CA5B: variants seen among roughly 807,000 people sequenced by gnomAD.
CA5B encodes the protein carbonic anhydrase 5B, mitochondrial.
CA5B carries 15 observed loss-of-function variants against 23.1 expected under a neutral mutation model. The observed-to-expected ratio is 0.65, with a 90% CI of 0.43 to 1.00. The LOEUF (loss-of-function observed/expected upper bound fraction) is 1.00. Ranked by LOEUF, CA5B falls within the 50% of genes least tolerant of loss-of-function variation. CA5B has a pLI of 0.00. For missense variants in CA5B, 236 were observed against 252.2 expected (o/e 0.94, Z 0.43); for synonymous variants, 84 against 98.5 (o/e 0.85, Z 0.87).
At chrX:15,779,920 G>A (rs1178571087) in intron 7 of CA5B, among the ~76,000 whole-genome samples, 1 of 111,913 alleles carries the variant, frequency 8.9e-6, no homozygotes, top group Non-Finnish European at 1.9e-5. Flanking sequence ...TGAGGACTTT[G>A]TAAATACGAT....
intron 1 of CA5B, among the ~76,000 whole-genome samples, chrX:15,738,841 G>A (rs916903178): frequency 2.1e-4 from 23 of 111,156 alleles, no homozygotes; most frequent in Non-Finnish European, 4.2e-4. Context: ...CATTGTATCC[G>A]CACCACCCAC....
intron 2 of CA5B, chrX:15,762,640 C>T (rs751289529): frequency 3.6e-6 from 1 of 275,619 alleles, no homozygotes; most frequent in Non-Finnish European, 7.1e-6. Flanking sequence ...CACTGTGTCT[C>T]GATCTCCTGA....
chrX:15,782,628 G>A lies in CA5B; in HGVS notation c.918G>A (p.Ala306=), dbSNP rs1808. ...ATGATTATGTGCTGAATGTACAAGC[G>A]AAACCCAAGCCGGCCACCAGCCAAG... ...FRHDYVLNVQ[A]KPKPATSQAT... The change falls in exon 8 of 8, where the codon GCG becomes GCA. Residue 306 remains alanine, a synonymous_variant. Coordinates refer to ENST00000318636, the MANE Select transcript of CA5B (RefSeq NM_007220.4). The A allele has an allele frequency of 0.35, 417,963 of 1,197,081 alleles. 50,211 individuals are homozygous for A. Among genetic ancestry groups the A allele is most frequent in the Admixed American group, 0.48 (20,964 of 43,770 alleles).
intron 3 of CA5B, 57 bp from the exon 4 acceptor site, chrX:15,772,439 C>T: frequency 1.3e-6 from 1 of 795,390 alleles, no homozygotes; most frequent in East Asian, 3.2e-5. Flanking sequence ...GCCTTTCACC[C>T]ACATTCCTCC....
intron 1 of CA5B, among the ~76,000 whole-genome samples, chrX:15,744,628 C>T (rs1931188135): frequency 9.0e-6 from 1 of 111,509 alleles, no homozygotes; most frequent in Non-Finnish European, 1.9e-5. Context: ...ATTGAGTAAA[C>T]CTAAAGTTCT....
chrX:15,744,230 C>G (rs1393579546), intron 1 of CA5B, among the ~76,000 whole-genome samples: 1 of 113,024 alleles, frequency 8.8e-6, no homozygotes, highest in Non-Finnish European at 1.9e-5. Flanking sequence ...TGGCCGTCAG[C>G]CCCAGCCTGC....
chrX:15,748,725 C>T (rs1336309056), intron 1 of CA5B, among the ~76,000 whole-genome samples: 1 of 92,992 alleles, frequency 1.1e-5, no homozygotes, highest in Non-Finnish European at 2.1e-5. Flanking sequence ...CCCCCGCCCC[C>T]GCCAACCCCC....
chrX:15,768,926 G>A (rs1484449094), intron 3 of CA5B: 1 of 111,916 alleles, frequency 8.9e-6, no homozygotes, highest in Non-Finnish European at 1.9e-5. Context: ...GCTGGGGAAG[G>A]TATGTGACAA....
At chrX:15,749,364 CT>C (rs997932026) in intron 1 of CA5B, among the ~76,000 whole-genome samples, 9 of 111,932 alleles carry the variant, frequency 8.0e-5, no homozygotes, top group Non-Finnish European at 1.5e-4. Context: ...TTAACTTTGT[CT>C]GTTTTCCCAT....
intron 6 of CA5B, chrX:15,775,797 C>T (rs1438098170): frequency 2.7e-6 from 2 of 738,097 alleles, no homozygotes; most frequent in Non-Finnish European, 3.2e-6. Context: ...CATATATTCT[C>T]TTCTTCTCCC....
intron 3 of CA5B, chrX:15,765,296 A>C (rs1188904717): frequency 2.0e-5 from 8 of 401,461 alleles, no homozygotes; most frequent in Non-Finnish European, 2.5e-5. Flanking sequence ...TTAAATAAAC[A>C]GTGTTACCTA....
At chrX:15,760,032 G>A (rs889542609) in intron 2 of CA5B, among the ~76,000 whole-genome samples, 15 of 110,275 alleles carry the variant, frequency 1.4e-4, no homozygotes, top group African/African-American at 4.3e-4. Flanking sequence ...GAGATTACAG[G>A]CATGAGCCAC....
At chrX:15,752,495 G>A (rs1931383381) in intron 2 of CA5B, among the ~76,000 whole-genome samples, 1 of 110,893 alleles carries the variant, frequency 9.0e-6, no homozygotes, top group African/African-American at 3.3e-5. Flanking sequence ...CGAGGCCGAG[G>A]CGGGCGGATC....
In CA5B at chrX:15,785,618, A is replaced by G. The variant is rs779436183; in HGVS notation, c.*2954A>G. The G allele has an allele frequency of 6.2e-5, 7 of 112,261 alleles. No individual in the cohort carries two copies. Among genetic ancestry groups the G allele is most frequent in the Non-Finnish European group, 1.1e-4 (6 of 53,283 alleles). The allele number at this position is 112,261 out of a possible 1,213,427, so 9.3% of individuals were successfully genotyped here. A position where few individuals can be genotyped will look rare whatever the true frequency, so the allele number is the denominator to read the frequency against. ...AACAAGTGTGATTGTACTTAACACT[A>G]CTGAACTGTATACGTATAAGTTTGA... On this transcript the variant is annotated 3_prime_UTR_variant, in exon 8 of 8. Transcript: ENST00000318636.
At chrX:15,747,268 A>G (rs1226912939) in intron 1 of CA5B, among the ~76,000 whole-genome samples, 1 of 112,023 alleles carries the variant, frequency 8.9e-6, no homozygotes, top group African/African-American at 3.3e-5. Flanking sequence ...GAGTTTAAGT[A>G]GACACGAGGC....
chrX:15,773,502 C>T lies in CA5B; in HGVS notation c.460-800C>T, dbSNP rs1028091938. Among the ~76,000 whole-genome samples the T allele has an allele frequency of 2.5e-4, 26 of 102,797 alleles. No individual in the cohort carries two copies. In the East Asian group the frequency reaches 3.1e-3, roughly 12 times the overall value. 89.3% of individuals were successfully genotyped at this position (102,797 alleles called of 115,157 possible). On this transcript the variant is annotated intron_variant, in intron 4 of 7. Coordinates refer to ENST00000318636, the MANE Select transcript of CA5B (RefSeq NM_007220.4). ...TTGGCTCACTGCAAGCTCTGCCTCC[C>T]GGGTTCACACCATTCTCCTGTCTCA... is the stretch of plus-strand genomic sequence containing the variant.
At chrX:15,756,648 T>C (rs769383671) in intron 2 of CA5B, among the ~76,000 whole-genome samples, 2 of 112,789 alleles carry the variant, frequency 1.8e-5, no homozygotes, top group South Asian at 7.2e-4. Context: ...TGGGGGCTCA[T>C]GCCTGTAATC....
intron 2 of CA5B, among the ~76,000 whole-genome samples, chrX:15,751,006 A>C (rs1931345171): frequency 8.9e-6 from 1 of 112,046 alleles, no homozygotes; most frequent in Non-Finnish European, 1.9e-5. Flanking sequence ...GACATTGCCA[A>C]ACATGCTCTG....
At chrX:15,738,456 C>G (rs923191251) in intron 1 of CA5B, 104 bp downstream of exon 1, 1 of 111,347 alleles carries the variant, frequency 9.0e-6, no homozygotes, top group Non-Finnish European at 1.9e-5. Flanking sequence ...CACCGGGTTC[C>G]GGAGCTAGGA....
Sources: gnomAD v4.1 joint callset for allele counts (sites outside exome capture counted in the v4.1 genomes callset) on GRCh38, gnomAD v4.1.1 for gene constraint, MANE v1.5 for transcripts, NCBI Gene and HGNC (gene_info 2026-07-23, HGNC 2026-07-21) for gene names.